Variants in ISY1 observed in about 807,000 individuals in gnomAD.
ISY1 encodes the protein pre-mRNA-splicing factor ISY1 homolog.
A neutral mutation model predicts 54.4 loss-of-function variants in ISY1; 12 were observed. The ratio of observed to expected loss-of-function variants is 0.22; its 90% CI spans 0.14 to 0.36. The LOEUF (loss-of-function observed/expected upper bound fraction) is 0.36. Ranked by LOEUF, ISY1 falls within the 10% of genes least tolerant of loss-of-function variation. ISY1 has a pLI of 1.00. For missense variants in ISY1, 282 were observed against 342.2 expected (o/e 0.82, Z 1.39); for synonymous variants, 96 against 117.9 (o/e 0.81, Z 1.20).
intron 6 of ISY1, chr3:129,144,261 GA>G (rs1234364710): frequency 1.5e-5 from 5 of 341,764 alleles, no homozygotes; most frequent in South Asian, 4.5e-5. Flanking sequence ...TAAATGAAAA[GA>G]AAAAAAGAAG....
intron 9 of ISY1, among the ~76,000 whole-genome samples, chr3:129,131,705 G>C (rs778165421): frequency 6.6e-6 from 1 of 152,210 alleles, no homozygotes; most frequent in Non-Finnish European, 1.5e-5. Flanking sequence ...CAAGGCCATC[G>C]TGAAAGGTGA....
intron 6 of ISY1, among the ~76,000 whole-genome samples, chr3:129,142,670 G>A (rs771145761): frequency 1.3e-4 from 20 of 152,198 alleles, no homozygotes; most frequent in Non-Finnish European, 2.6e-4. Flanking sequence ...AGTACTTTGG[G>A]AGGCTGAGGC....
At chr3:129,155,814 T>C (rs1016569167) in intron 5 of ISY1, among the ~76,000 whole-genome samples, 2 of 151,402 alleles carry the variant, frequency 1.3e-5, no homozygotes, top group African/African-American at 4.9e-5. Context: ...CTCCGCCCGT[T>C]AGGTTCAAGC....
chr3:129,158,360 T>G (rs1937207348), intron 3 of ISY1, 148 bp downstream of exon 3: 2 of 1,054,392 alleles, frequency 1.9e-6, no homozygotes, highest in Non-Finnish European at 1.4e-6. Context: ...GATTTTGCCA[T>G]GTTGCCCAGA....
chr3:129,139,123 G>A (rs1936528275), intron 7 of ISY1, among the ~76,000 whole-genome samples: 1 of 151,866 alleles, frequency 6.6e-6, no homozygotes, highest in African/African-American at 2.4e-5. Context: ...TTTTAGTAGA[G>A]ACAGGGTTTC....
Position 129,134,107 on chromosome 3 carries a change from T to TTCCTCCTCTTCC in ISY1, c.618_629dup (p.Glu208_Glu211dup). The TTCCTCCTCTTCC allele has an allele frequency of 1.2e-6, 2 of 1,614,096 alleles. No individual in the cohort carries two copies. Among genetic ancestry groups the TTCCTCCTCTTCC allele is most frequent in the Non-Finnish European group, 1.7e-6 (2 of 1,179,970 alleles). ...CGGTGACTGCATAGATGTTGATCTCTTCCTCCTCTTCCTCCTCCTCTTCCT... is the reference window on the plus strand; with the variant it reads ...CGGTGACTGCATAGATGTTGATCTCTTCCTCCTCTTCCTCCTCCTCTTCCTCCTCCTCTTCCT... On this transcript the variant is annotated inframe_insertion, in exon 9 of 11. Coordinates refer to ENST00000393295, the MANE Select transcript of ISY1 (RefSeq NM_020701.4).
chr3:129,158,074 G>A (rs1172124373), intron 3 of ISY1, among the ~76,000 whole-genome samples: 1 of 151,742 alleles, frequency 6.6e-6, no homozygotes, highest in East Asian at 1.9e-4. Flanking sequence ...AGCCAGGCTG[G>A]CCTCAAACTC....
At chr3:129,130,809 C>A in intron 9 of ISY1, 173 bp from the exon 10 acceptor site, 1 of 630,180 alleles carries the variant, frequency 1.6e-6, no homozygotes, top group Non-Finnish European at 2.6e-6. Context: ...CCATAGAACA[C>A]GCTGTATATT....
intron 7 of ISY1, 134 bp from the exon 8 acceptor site, chr3:129,135,088 C>A (rs1033353693): frequency 8.0e-7 from 1 of 1,244,318 alleles, no homozygotes; most frequent in Admixed American, 3.1e-5. Flanking sequence ...GTGGCTCATG[C>A]TTGTAATCCT....
intron 9 of ISY1, among the ~76,000 whole-genome samples, chr3:129,133,032 T>C (rs566854852): frequency 6.6e-6 from 1 of 152,188 alleles, no homozygotes; most frequent in South Asian, 2.1e-4. Context: ...GCAAATCAGA[T>C]CCACCTAGAC....
chr3:129,155,716 T>A (rs778987328), intron 5 of ISY1, among the ~76,000 whole-genome samples: 1 of 151,802 alleles, frequency 6.6e-6, no homozygotes, highest in Non-Finnish European at 1.5e-5. Context: ...ATACTCTGTG[T>A]AATTTCAATT....
intron 10 of ISY1, 114 bp from the exon 11 acceptor site, chr3:129,130,302 T>C (rs1369376949): frequency 5.8e-6 from 8 of 1,388,796 alleles, no homozygotes; most frequent in Non-Finnish European, 7.7e-6. Flanking sequence ...CTGATTTAAA[T>C]ACGCAGAATA....
chr3:129,130,019 G>A lies in ISY1; in HGVS notation c.*62C>T. The A allele has an allele frequency of 3.8e-6, 5 of 1,329,942 alleles. No homozygotes were observed. Among genetic ancestry groups the A allele is most frequent in the Non-Finnish European group, 5.1e-6 (5 of 971,018 alleles). The allele number at this position is 1,329,942 out of a possible 1,614,324, so 82.4% of individuals were successfully genotyped here. A position where few individuals can be genotyped will look rare whatever the true frequency, so the allele number is the denominator to read the frequency against. On this transcript the variant is annotated 3_prime_UTR_variant, in exon 11 of 11. Transcript: ENST00000393295. ...CTTGCAGCACCAGCCTGTGTCTGCAGCCCTGGGTCCTGAGGTACCACTGGG... is the reference window on the plus strand; with the variant it reads ...CTTGCAGCACCAGCCTGTGTCTGCAACCCTGGGTCCTGAGGTACCACTGGG...
chr3:129,132,724 C>A (rs1251782224), intron 9 of ISY1, among the ~76,000 whole-genome samples: 1 of 152,212 alleles, frequency 6.6e-6, no homozygotes, highest in Non-Finnish European at 1.5e-5. Context: ...GCCCCTGCAC[C>A]TGGAATGCGG....
At chr3:129,151,180 TAAATATATAA>T (rs1336556908) in intron 5 of ISY1, among the ~76,000 whole-genome samples, 7 of 147,554 alleles carry the variant, frequency 4.7e-5, no homozygotes, top group African/African-American at 1.7e-4. Flanking sequence ...AAAATATATA[TAAATATATAA>T]AAATATATAT....
At chr3:129,159,390 C>T (rs1419657654) in intron 1 of ISY1, among the ~76,000 whole-genome samples, 1 of 152,178 alleles carries the variant, frequency 6.6e-6, no homozygotes, top group Admixed American at 6.5e-5. Flanking sequence ...CCTCCACTGA[C>T]CCTAACACCT....
At chr3:129,154,215 C>T (rs1177746826) in intron 5 of ISY1, among the ~76,000 whole-genome samples, 1 of 146,700 alleles carries the variant, frequency 6.8e-6, no homozygotes, top group African/African-American at 2.6e-5. Context: ...TGCACTCCAG[C>T]CTGGGTGACA....
At chr3:129,149,805 A>AAAAAAAAAAAAG (rs1553783043) in intron 5 of ISY1, among the ~76,000 whole-genome samples, 12 of 59,988 alleles carry the variant, frequency 2.0e-4, no homozygotes, top group Non-Finnish European at 2.6e-4. Flanking sequence ...AAAAAAAAAA[A>AAAAAAAAAAAAG]AAAGAAAGAA....
Position 129,145,744 on chromosome 3 carries a change from G to A in ISY1, c.300+17C>T, listed in dbSNP as rs1936749689. ...AAAACTAGACAAGACCCGCCACTGGGGCTGCCATGTACTCACTCCATAATC... is the reference window on the plus strand; with the variant it reads ...AAAACTAGACAAGACCCGCCACTGGAGCTGCCATGTACTCACTCCATAATC... On this transcript the variant is annotated intron_variant, in intron 6 of 10. Coordinates refer to ENST00000393295, the MANE Select transcript of ISY1 (RefSeq NM_020701.4). 1 of 1,610,814 alleles carries A rather than the reference G, an allele frequency of 6.2e-7. No homozygotes were observed. The highest frequency in any genetic ancestry group is 8.5e-7 in the Non-Finnish European group (1 of 1,178,236).
Sources: allele counts gnomAD v4.1 joint callset (sites outside exome capture counted in the v4.1 genomes callset), GRCh38; gene constraint gnomAD v4.1.1; transcripts MANE v1.5; gene names NCBI Gene and HGNC (gene_info 2026-07-23, HGNC 2026-07-21).